Variants in MGAT5 observed in about 807,000 individuals in gnomAD.
The protein encoded by MGAT5 is alpha-1,6-mannosylglycoprotein 6-beta-N-acetylglucosaminyltransferase, also known as alpha-1,6-mannosylglycoprotein 6-beta-N-acetylglucosaminyltransferase A.
Under a neutral mutation model 94.3 loss-of-function variants are expected in MGAT5, and 30 were observed. The observed-to-expected ratio is 0.32, with a 90% CI of 0.24 to 0.43. The LOEUF is 0.43. Among genes scored for constraint, MGAT5 ranks in the 20% least tolerant of loss-of-function variants. MGAT5 has a pLI of 1.00. For synonymous variants in MGAT5, 310 were observed against 322.9 expected (o/e 0.96, Z 0.43); for missense variants, 691 against 905.5 (o/e 0.76, Z 3.04).
In MGAT5 at chr2:134,270,506, C is replaced by A. The variant is rs1304629645; in HGVS notation, c.362C>A (p.Thr121Lys). ...GTGTNSTNST[T>K]AVPSLVALEK... ...GGAACAAACTCAACCAACTCCACTA[C>A]AGCTGTTCCCAGCTTGGTTGCACTT... Residue 121 changes from threonine to lysine, a missense_variant, in exon 2 of 16, where the codon ACA becomes AAA. Thr to Lys is a moderately conservative substitution (Grantham distance 78). Around this residue, in one of 4 missense-constraint regions of MGAT5, gnomAD observed 307 missense variants for 335.4 expected, o/e 0.92. Transcript: ENST00000281923. 6.2e-7 allele frequency: 1 copy of A among 1,614,194 alleles called. No homozygotes were observed.
At chr2:134,387,073 C>A (rs1451586305) in intron 10 of MGAT5, among the ~76,000 whole-genome samples, 1 of 151,426 alleles carries the variant, frequency 6.6e-6, no homozygotes, top group African/African-American at 2.4e-5. Flanking sequence ...ACCAGCCTGA[C>A]CAACATGGAG....
Position 134,374,037 on chromosome 2 carries a change from G to A in MGAT5, c.1380+11629G>A, listed in dbSNP as rs376613973. Among the ~76,000 whole-genome samples, 3 of 152,338 alleles carry A rather than the reference G, an allele frequency of 2.0e-5. No homozygotes were observed. In the East Asian group the frequency reaches 5.8e-4, roughly 29 times the overall value. ...CATCAGCCAATGGAGCAAAATCACA[G>A]CAGTAGAAGGAAACAGAAGTGTGTG... is the stretch of plus-strand genomic sequence containing the variant. On this transcript the variant is annotated intron_variant, in intron 10 of 15. Coordinates refer to ENST00000281923, the MANE Select transcript of MGAT5 (RefSeq NM_002410.5).
At chr2:134,241,190 A>G (rs1681953127) in intron 1 of MGAT5, among the ~76,000 whole-genome samples, 2 of 152,228 alleles carry the variant, frequency 1.3e-5, no homozygotes, top group African/African-American at 2.4e-5. Flanking sequence ...AGGAACAGAG[A>G]GTGTGTCCAG....
At chr2:134,418,681 G>T (rs946246945) in intron 12 of MGAT5, among the ~76,000 whole-genome samples, 1 of 152,254 alleles carries the variant, frequency 6.6e-6, no homozygotes, top group Non-Finnish European at 1.5e-5. Flanking sequence ...TGTGCTGGGT[G>T]GAGGATGTGC....
chr2:134,121,013 C>T (rs1288736455), intron 1 of MGAT5, among the ~76,000 whole-genome samples: 1 of 152,048 alleles, frequency 6.6e-6, no homozygotes, highest in African/African-American at 2.4e-5. Flanking sequence ...AGAGCATGCT[C>T]AGTGCGGCCC....
At chr2:134,275,922 G>A (rs1429203754) in intron 2 of MGAT5, among the ~76,000 whole-genome samples, 1 of 151,980 alleles carries the variant, frequency 6.6e-6, no homozygotes, top group African/African-American at 2.4e-5. Context: ...AAGAGATGCT[G>A]CAAAAAGCAT....
At chr2:134,261,008 A>G (rs1043491790) in intron 1 of MGAT5, among the ~76,000 whole-genome samples, 1 of 152,086 alleles carries the variant, frequency 6.6e-6, no homozygotes, top group African/African-American at 2.4e-5. Flanking sequence ...CAGTATCCTC[A>G]TCAAAGCCAG....
At chr2:134,439,887 G>T (rs1685386681) in intron 14 of MGAT5, among the ~76,000 whole-genome samples, 1 of 152,170 alleles carries the variant, frequency 6.6e-6, no homozygotes, top group Non-Finnish European at 1.5e-5. Context: ...ACAAGGGAGG[G>T]ACAGAAACAT....
At chr2:134,427,622 T>G (rs1684662143) in intron 13 of MGAT5, among the ~76,000 whole-genome samples, 1 of 152,192 alleles carries the variant, frequency 6.6e-6, no homozygotes, top group African/African-American at 2.4e-5. Flanking sequence ...TCCTTTCATG[T>G]TAAAGACCAC....
At chr2:134,260,627 CT>C (rs996694979) in intron 1 of MGAT5, among the ~76,000 whole-genome samples, 7 of 150,016 alleles carry the variant, frequency 4.7e-5, no homozygotes, top group Non-Finnish European at 8.9e-5. Flanking sequence ...TGTTTTTCCA[CT>C]TTTTTTTTGT....
At chr2:134,377,852 A>T (rs1681282093) in intron 10 of MGAT5, among the ~76,000 whole-genome samples, 1 of 152,140 alleles carries the variant, frequency 6.6e-6, no homozygotes, top group African/African-American at 2.4e-5. Context: ...TTAGAGAGAA[A>T]TGACTAATGC....
chr2:134,318,843 T>C, intron 4 of MGAT5, 104 bp downstream of exon 4: 1 of 747,216 alleles, frequency 1.3e-6, no homozygotes, highest in Non-Finnish European at 2.3e-6. Context: ...TATTTTTATG[T>C]GGAGGACCTA....
At chr2:134,188,524 G>A (rs1315799238) in intron 1 of MGAT5, among the ~76,000 whole-genome samples, 1 of 152,228 alleles carries the variant, frequency 6.6e-6, no homozygotes, top group Non-Finnish European at 1.5e-5. Flanking sequence ...GGGGTAGTAA[G>A]TACTTAAAAC....
intron 1 of MGAT5, among the ~76,000 whole-genome samples, chr2:134,128,366 A>G (rs1398578979): frequency 6.6e-6 from 1 of 152,172 alleles, no homozygotes; most frequent in African/African-American, 2.4e-5. Context: ...CTGTGAAAGG[A>G]TTTTGTTACT....
intron 2 of MGAT5, among the ~76,000 whole-genome samples, chr2:134,279,693 T>C (rs72976177): frequency 0.017 from 2,657 of 152,348 alleles, 86 homozygotes; most frequent in African/African-American, 0.06. Context: ...TGATAGGACA[T>C]GCTGAAATTA....
chr2:134,322,404 AC>A (rs1281482589), intron 4 of MGAT5, among the ~76,000 whole-genome samples: 1 of 152,186 alleles, frequency 6.6e-6, no homozygotes, highest in Admixed American at 6.5e-5. Flanking sequence ...TTCATGGTAT[AC>A]AACTTGGTGT....
intron 3 of MGAT5, 79 bp from the exon 4 acceptor site, chr2:134,318,571 C>A: frequency 9.6e-7 from 1 of 1,046,352 alleles, no homozygotes; most frequent in Non-Finnish European, 1.5e-6. Context: ...CCATCTTCAC[C>A]ATTCTATCCT....
chr2:134,256,861 T>A (rs1395451016), intron 1 of MGAT5, among the ~76,000 whole-genome samples: 1 of 152,246 alleles, frequency 6.6e-6, no homozygotes, highest in Non-Finnish European at 1.5e-5. Flanking sequence ...TTTCATCGAA[T>A]CAACTTTAAC....
At chr2:134,391,627 C>T (rs1490684349) in intron 10 of MGAT5, among the ~76,000 whole-genome samples, 1 of 152,202 alleles carries the variant, frequency 6.6e-6, no homozygotes, top group Non-Finnish European at 1.5e-5. Context: ...CTTGTGACCT[C>T]TTTACTTCCC....
Sources: gnomAD v4.1 joint callset for allele counts (sites outside exome capture counted in the v4.1 genomes callset) on GRCh38, gnomAD v4.1.1 for gene constraint, gnomAD v4.1.1 regional missense constraint, MANE v1.5 for transcripts, NCBI Gene and HGNC (gene_info 2026-07-23, HGNC 2026-07-21) for gene names.